Variants in CDC42SE2 observed in about 807,000 individuals in gnomAD.
CDC42SE2 encodes the protein CDC42 small effector protein 2.
A neutral mutation model predicts 11.5 loss-of-function variants in CDC42SE2; 3 were observed. The ratio of observed to expected loss-of-function variants is 0.26; its 90% CI spans 0.12 to 0.67. CDC42SE2 has a LOEUF of 0.67. Ranked by LOEUF, CDC42SE2 falls within the 30% of genes least tolerant of loss-of-function variation. The pLI is 0.80. For missense variants in CDC42SE2, 82 were observed against 106.8 expected, an observed-to-expected ratio of 0.77 and a Z score of 1.02; for synonymous variants, 33 against 34.8, an observed-to-expected ratio of 0.95 and a Z score of 0.18.
chr5:131,288,466 A>G (rs912674512), intron 1 of CDC42SE2, among the ~76,000 whole-genome samples: 1 of 152,144 alleles, frequency 6.6e-6, no homozygotes, highest in Admixed American at 6.5e-5. Context: ...TTAAAAAGCC[A>G]TATGCTAAAT....
the CDC42SE2 span, among the ~76,000 whole-genome samples, chr5:131,216,972 A>T: frequency 6.6e-6 from 1 of 152,206 alleles, no homozygotes; most frequent in Non-Finnish European, 1.5e-5. Context: ...TGGGTGAATC[A>T]ATATCAATTC....
chr5:131,351,956 G>A (rs1170690125), intron 2 of CDC42SE2, among the ~76,000 whole-genome samples: 1 of 152,168 alleles, frequency 6.6e-6, no homozygotes, highest in Non-Finnish European at 1.5e-5. Context: ...AACATAGTAA[G>A]ATGACTGAAT....
chr5:131,255,801 C>T (rs182256578), intron 2 of CDC42SE2, among the ~76,000 whole-genome samples: 12 of 152,248 alleles, frequency 7.9e-5, no homozygotes. Flanking sequence ...AAGAATTCCA[C>T]TATAATAATG....
chr5:131,315,329 C>T (rs1758018616), intron 1 of CDC42SE2, among the ~76,000 whole-genome samples: 1 of 152,150 alleles, frequency 6.6e-6, no homozygotes, highest in Non-Finnish European at 1.5e-5. Flanking sequence ...TGTTTGTTAT[C>T]CCCTTATGCT....
Position 131,343,440 on chromosome 5 carries a change from C to T in CDC42SE2, c.-285-15769C>T, listed in dbSNP as rs185692348. Reference sequence around the variant, plus strand: ...TAAAGAGATGGAAAAGGCCCAGGCACGGTGGCTCATGCCTGTAATTCCAGC... The same window carrying T: ...TAAAGAGATGGAAAAGGCCCAGGCATGGTGGCTCATGCCTGTAATTCCAGC... On this transcript the variant is annotated intron_variant, in intron 2 of 4. Transcript: ENST00000505065. 1.4e-4 allele frequency among the ~76,000 whole-genome samples: 22 copies of T among 152,224 alleles called. No homozygotes were observed. In the East Asian group the frequency reaches 2.5e-3, roughly 17 times the overall value.
chr5:131,320,494 C>A (rs959092387), intron 2 of CDC42SE2, among the ~76,000 whole-genome samples: 6 of 151,810 alleles, frequency 4.0e-5, no homozygotes, highest in African/African-American at 1.2e-4. Context: ...GTAATCCCAG[C>A]ACTTTGGGAG....
At chr5:131,363,985 C>G (rs1300264926) in intron 3 of CDC42SE2, among the ~76,000 whole-genome samples, 1 of 152,082 alleles carries the variant, frequency 6.6e-6, no homozygotes, top group African/African-American at 2.4e-5. Flanking sequence ...CATGAGCCAC[C>G]ACACCTGGCC....
At chr5:131,355,554 C>G (rs965082814) in intron 2 of CDC42SE2, among the ~76,000 whole-genome samples, 1 of 152,058 alleles carries the variant, frequency 6.6e-6, no homozygotes, top group Non-Finnish European at 1.5e-5. Flanking sequence ...AGTGATAGAG[C>G]TTGTCACTTG....
intron 1 of CDC42SE2, among the ~76,000 whole-genome samples, chr5:131,253,582 T>G (rs1311359397): frequency 6.6e-6 from 1 of 152,122 alleles, no homozygotes; most frequent in African/African-American, 2.4e-5. Context: ...CTGACCAACT[T>G]GGCGAAACCC....
At chr5:131,267,428 A>C (rs1396234519) in intron 1 of CDC42SE2, among the ~76,000 whole-genome samples, 2 of 151,934 alleles carry the variant, frequency 1.3e-5, no homozygotes, top group African/African-American at 4.8e-5. Context: ...AGTAGTTCAT[A>C]ATGTTTTGAG....
rs994580660 is a variant in CDC42SE2, at chr5:131,385,534, A to C, written c.55-9A>C. The C allele has an allele frequency of 1.9e-6, 3 of 1,603,036 alleles. No homozygotes were observed. The African/African-American group carries it at 4.0e-5, about 21-fold the overall frequency. On this transcript the variant is annotated splice_polypyrimidine_tract_variant and intron_variant, in intron 3 of 4. Transcript: ENST00000505065. ...CACTTTCTCAACACATTTGTTCCCC[A>C]TATTTTAGAAAAGGCGACGGCGGAT...
chr5:131,273,651 T>C (rs1220537788), intron 1 of CDC42SE2, among the ~76,000 whole-genome samples: 3 of 150,450 alleles, frequency 2.0e-5, no homozygotes, highest in Non-Finnish European at 4.4e-5. Context: ...CTGGTGCTTG[T>C]AGTCCCAGCG....
At position 131,369,128 on chromosome 5, in the gene CDC42SE2, T is replaced by TA. The variant is rs1749943678; in HGVS notation, c.54+9582dup. Among the ~76,000 whole-genome samples the TA allele has an allele frequency of 2.0e-5, 3 of 152,346 alleles. No individual in the cohort carries two copies. In the South Asian group the frequency reaches 6.2e-4, roughly 32 times the overall value. On this transcript the variant is annotated intron_variant, in intron 3 of 4. Transcript: ENST00000505065. ...TTTACGATTTTACCATCTATGTATG[T>TA]ATCCCTAAACAGTATAATTTAGTTT...
chr5:131,356,914 A>C (rs1323794023), intron 2 of CDC42SE2, among the ~76,000 whole-genome samples: 1 of 152,270 alleles, frequency 6.6e-6, no homozygotes, highest in East Asian at 1.9e-4. Flanking sequence ...TCTGAAAAAA[A>C]ATTTTTTTTT....
the CDC42SE2 span, among the ~76,000 whole-genome samples, chr5:131,218,729 G>A: frequency 8.5e-5 from 13 of 152,322 alleles, no homozygotes; most frequent in Non-Finnish European, 1.9e-4. Flanking sequence ...TATAAATCAA[G>A]ATAGCGGTTA....
chr5:131,376,338 G>A lies in CDC42SE2; in HGVS notation c.55-9205G>A, dbSNP rs1334446399. Among the ~76,000 whole-genome samples the A allele has an allele frequency of 7.2e-5, 11 of 152,118 alleles. No homozygotes were observed. In the East Asian group the frequency reaches 2.1e-3, roughly 29 times the overall value. Reference sequence around the variant, plus strand: ...GACAAGAAGTGAGAGTTTGCCAGAGGATCCCAGATTTGAAGGGAAGGTAAA... The same window carrying A: ...GACAAGAAGTGAGAGTTTGCCAGAGAATCCCAGATTTGAAGGGAAGGTAAA... On this transcript the variant is annotated intron_variant, in intron 3 of 4. Transcript: ENST00000505065.
chr5:131,322,264 C>T (rs1758208234), intron 2 of CDC42SE2, among the ~76,000 whole-genome samples: 1 of 152,138 alleles, frequency 6.6e-6, no homozygotes, highest in Non-Finnish European at 1.5e-5. Context: ...TGCAGCCAAT[C>T]TCTAGAACTT....
intron 3 of CDC42SE2, 140 bp downstream of exon 3, chr5:131,359,687 G>A (rs1749652458): frequency 8.5e-6 from 6 of 709,146 alleles, no homozygotes; most frequent in East Asian, 4.9e-5. Context: ...GTGGAACTCC[G>A]AACATATGTT....
At chr5:131,254,477 G>T (rs1482137964) in intron 1 of CDC42SE2, among the ~76,000 whole-genome samples, 2 of 151,936 alleles carry the variant, frequency 1.3e-5, no homozygotes, top group Non-Finnish European at 2.9e-5. Flanking sequence ...AGGAGGCGGA[G>T]GTTGCAGTGA....
Sources: gnomAD v4.1 joint callset for allele counts (sites outside exome capture counted in the v4.1 genomes callset) on GRCh38, gnomAD v4.1.1 for gene constraint, MANE v1.5 for transcripts, NCBI Gene and HGNC (gene_info 2026-07-23, HGNC 2026-07-21) for gene names.